Variants in HEATR5A observed in about 807,000 individuals in gnomAD.
HEATR5A encodes HEAT repeat-containing protein 5A.
A neutral mutation model predicts 218.8 loss-of-function variants in HEATR5A; 178 were observed. The observed-to-expected ratio is 0.81, with a 90% CI of 0.72 to 0.92. HEATR5A has a LOEUF of 0.92. Ranked by LOEUF, HEATR5A falls within the 40% of genes least tolerant of loss-of-function variation. HEATR5A has a pLI of 0.00. For missense variants in HEATR5A, 2,420 were observed against 2,418.9 expected, an observed-to-expected ratio of 1.00 and a Z score of -0.01; for synonymous variants, 864 against 871.6, an observed-to-expected ratio of 0.99 and a Z score of 0.15.
At chr14:31,338,225 A>G (rs547823619) in intron 21 of HEATR5A, among the ~76,000 whole-genome samples, 4 of 152,324 alleles carry the variant, frequency 2.6e-5, no homozygotes, top group Non-Finnish European at 4.4e-5. Context: ...CAAAGTGCTT[A>G]CCACAGTACC....
chr14:31,411,328 T>A (rs1035964993), intron 1 of HEATR5A, among the ~76,000 whole-genome samples: 1 of 7,098 alleles, frequency 1.4e-4, no homozygotes, highest in Non-Finnish European at 0.01. Context: ...ACAAGAGAAA[T>A]GGTTAAATTT....
chr14:31,341,003 T>G (rs895556879), intron 21 of HEATR5A, among the ~76,000 whole-genome samples: 1 of 152,232 alleles, frequency 6.6e-6, no homozygotes, highest in Non-Finnish European at 1.5e-5. Context: ...TACTTCCCAG[T>G]AGGATTTTTG....
rs1434851334 is a variant in HEATR5A at position 31,292,935 on chromosome 14, A to G, written c.*370T>C. On this transcript the variant is annotated 3_prime_UTR_variant, in exon 36 of 36. Coordinates refer to ENST00000543095, the MANE Select transcript of HEATR5A (RefSeq NM_015473.4). ...TACAATATTAGTGCAGATAATTTAC[A>G]CTAGAGTCATATTTATATCTGTCAC... The G allele has an allele frequency of 6.0e-6, 1 of 165,368 alleles. No individual in the cohort carries two copies. Among genetic ancestry groups the G allele is most frequent in the Non-Finnish European group, 1.3e-5 (1 of 76,528 alleles). 10.2% of individuals were successfully genotyped at this position (165,368 alleles called of 1,614,324 possible).
intron 19 of HEATR5A, 96 bp from the exon 20 acceptor site, chr14:31,345,372 T>C: frequency 3.2e-6 from 3 of 935,712 alleles, no homozygotes; most frequent in Non-Finnish European, 4.8e-6. Flanking sequence ...AGTGATAAAG[T>C]AACAGCAAAT....
intron 4 of HEATR5A, among the ~76,000 whole-genome samples, chr14:31,398,082 T>C (rs898704200): frequency 2.6e-5 from 4 of 152,178 alleles, no homozygotes; most frequent in Non-Finnish European, 5.9e-5. Context: ...GATTATAGTA[T>C]CTTAATATCT....
chr14:31,381,187 G>T (rs913966354), intron 10 of HEATR5A, among the ~76,000 whole-genome samples: 16 of 152,188 alleles, frequency 1.1e-4, no homozygotes, highest in African/African-American at 3.9e-4. Flanking sequence ...GGCAGAGGTT[G>T]TAGTGAGCTG....
At position 31,293,632 on chromosome 14, in the gene HEATR5A, T is replaced by A. The variant is rs2139115016; in HGVS notation, c.5834-20A>T. The A allele has an allele frequency of 1.3e-6, 2 of 1,574,106 alleles. No individual in the cohort carries two copies. Among genetic ancestry groups the A allele is most frequent in the East Asian group, 4.5e-5 (2 of 44,638 alleles). On this transcript the variant is annotated intron_variant, in intron 35 of 35. Transcript: ENST00000543095. ...GAGCGCCTAGAAAGTAAACAAATAA[T>A]ATAAGTTCAGTGACATAAATGTTTC... is the stretch of plus-strand genomic sequence containing the variant.
intron 22 of HEATR5A, among the ~76,000 whole-genome samples, chr14:31,336,874 G>A (rs1900689168): frequency 6.6e-6 from 1 of 152,182 alleles, no homozygotes; most frequent in Admixed American, 6.5e-5. Flanking sequence ...TCATTGTCAT[G>A]TGAACATCAT....
intron 16 of HEATR5A, among the ~76,000 whole-genome samples, chr14:31,351,779 A>ATT (rs753608304): frequency 8.4e-5 from 12 of 143,210 alleles, no homozygotes; most frequent in Admixed American, 2.1e-4. Flanking sequence ...CACCCTGCTA[A>ATT]TTTTTTTTTT....
At chr14:31,296,895 A>G (rs1899203651) in intron 33 of HEATR5A, 1 of 152,256 alleles carries the variant, frequency 6.6e-6, no homozygotes, top group Non-Finnish European at 1.5e-5. Flanking sequence ...ACTGTGTGCC[A>G]GCCCTCTTTT....
At chr14:31,336,311 C>G (rs1277340392) in intron 22 of HEATR5A, among the ~76,000 whole-genome samples, 1 of 144,900 alleles carries the variant, frequency 6.9e-6, no homozygotes, top group African/African-American at 2.5e-5. Flanking sequence ...CCAGGCTGAT[C>G]TTGAACTCCT....
intron 1 of HEATR5A, among the ~76,000 whole-genome samples, chr14:31,403,461 T>C (rs974086528): frequency 4.6e-5 from 7 of 152,218 alleles, no homozygotes. Flanking sequence ...ATAGTAAAGC[T>C]TGCCATCTCT....
At chr14:31,415,552 A>T (rs1029195834) in intron 1 of HEATR5A, among the ~76,000 whole-genome samples, 1 of 152,238 alleles carries the variant, frequency 6.6e-6, no homozygotes, top group Admixed American at 6.5e-5. Flanking sequence ...ATTAAGAAAA[A>T]AACTTTTCAG....
intron 14 of HEATR5A, among the ~76,000 whole-genome samples, chr14:31,363,639 T>C (rs1595139376): frequency 6.6e-6 from 1 of 152,032 alleles, no homozygotes; most frequent in South Asian, 2.1e-4. Context: ...ATATAATAGA[T>C]ACAATTTCTA....
rs58946487 is a variant in HEATR5A, at chr14:31,297,483, T to TAAACAAACAAACAAAC, written c.5465-1436_5465-1421dup. The TAAACAAACAAACAAAC allele has an allele frequency of 5.3e-5, 8 of 152,340 alleles. 1 individual carries two copies. The highest frequency in any genetic ancestry group is 1.2e-4 in the African/African-American group (5 of 41,224). The allele number at this position is 152,340 out of a possible 1,614,324, so 9.4% of individuals were successfully genotyped here. A position where few individuals can be genotyped will look rare whatever the true frequency, so the allele number is the denominator to read the frequency against. On this transcript the variant is annotated intron_variant, in intron 33 of 35. Transcript: ENST00000543095. Reference sequence around the variant, plus strand: ...GTAACACAGCAAGTCCCTGTCTCTTTAAACAAACAAACAAACAAACAAACA... The same window carrying TAAACAAACAAACAAAC: ...GTAACACAGCAAGTCCCTGTCTCTTTAAACAAACAAACAAACAAACAAACAAACAAACAAACAAACA...
chr14:31,308,374 G>A (rs2139141940), intron 29 of HEATR5A, among the ~76,000 whole-genome samples: 1 of 152,170 alleles, frequency 6.6e-6, no homozygotes, highest in South Asian at 2.1e-4. Context: ...GGGCATGGTG[G>A]CGCATGCCTG....
chr14:31,320,545 C>T (rs1900060876), intron 25 of HEATR5A: 1 of 1,015,172 alleles, frequency 9.9e-7, no homozygotes, highest in Non-Finnish European at 1.5e-6. Context: ...CTGGGCTATT[C>T]AAGGAGAAGG....
rs1899416163 is a variant in HEATR5A, at chr14:31,302,499, T to C, written c.5260A>G (p.Thr1754Ala). Residue 1754 changes from threonine to alanine, a missense_variant, in exon 33 of 36, where the codon ACT becomes GCT. Transcript: ENST00000543095. ...SPEGSISILP[T>A]ILYLTIGVLR... is the part of the protein sequence containing the mutation. ...ACCCCGATTGTGAGGTACAATATAG[T>C]AGGGAGAATTGAGATGCTTCCTGTA... The C allele has an allele frequency of 1.3e-6, 2 of 1,578,122 alleles. No homozygotes were observed. Among genetic ancestry groups the C allele is most frequent in the Non-Finnish European group, 1.7e-6 (2 of 1,160,196 alleles).
intron 22 of HEATR5A, among the ~76,000 whole-genome samples, chr14:31,330,049 G>A (rs1900410657): frequency 1.3e-5 from 2 of 152,226 alleles, no homozygotes; most frequent in Non-Finnish European, 2.9e-5. Context: ...ACTAGGCAGT[G>A]CCTCAGTGGG....
Sources: allele counts gnomAD v4.1 joint callset (sites outside exome capture counted in the v4.1 genomes callset), GRCh38; gene constraint gnomAD v4.1.1; transcripts MANE v1.5; gene names NCBI Gene and HGNC (gene_info 2026-07-23, HGNC 2026-07-21).